AK8: variants seen among roughly 807,000 people sequenced by gnomAD.
AK8 encodes the protein adenylate kinase 8.
Under a neutral mutation model 54.6 loss-of-function variants are expected in AK8, and 44 were observed. The observed-to-expected ratio is 0.81, with a 90% confidence interval of 0.63 to 1.04. The LOEUF (loss-of-function observed/expected upper bound fraction) is 1.04. Ranked by LOEUF, AK8 falls within the 50% of genes least tolerant of loss-of-function variation. The pLI is 0.00. For synonymous variants in AK8, 239 were observed against 245.6 expected (o/e 0.97, Z 0.25); for missense variants, 555 against 613.6 (o/e 0.90, Z 1.01).
chr9:132,745,894 G>A (rs892148683), intron 11 of AK8, among the ~76,000 whole-genome samples: 1 of 152,186 alleles, frequency 6.6e-6, no homozygotes, highest in Non-Finnish European at 1.5e-5. Context: ...CTTGAAGTAT[G>A]TTTGGAAGGA....
At chr9:132,751,288 G>A (rs1251273676) in intron 11 of AK8, among the ~76,000 whole-genome samples, 2 of 150,510 alleles carry the variant, frequency 1.3e-5, no homozygotes, top group African/African-American at 4.9e-5. Flanking sequence ...GGAGGCTGAG[G>A]CAGGAGAATC....
At chr9:132,845,994 C>A (rs1361504757) in intron 5 of AK8, among the ~76,000 whole-genome samples, 1 of 152,110 alleles carries the variant, frequency 6.6e-6, no homozygotes, top group Non-Finnish European at 1.5e-5. Flanking sequence ...GAAAGAAGGG[C>A]AGTGCGGCTT....
chr9:132,752,409 C>T (rs904990997), intron 11 of AK8, among the ~76,000 whole-genome samples: 1 of 151,892 alleles, frequency 6.6e-6, no homozygotes, highest in African/African-American at 2.4e-5. Context: ...GCCACCACGC[C>T]TGGCTAATTT....
intron 8 of AK8, among the ~76,000 whole-genome samples, chr9:132,823,738 C>T (rs1016554505): frequency 3.3e-5 from 5 of 152,222 alleles, no homozygotes; most frequent in African/African-American, 9.6e-5. Flanking sequence ...GCCTCCCAAC[C>T]GGAAGCCCCG....
intron 11 of AK8, among the ~76,000 whole-genome samples, chr9:132,747,785 A>G (rs1837725671): frequency 6.7e-6 from 1 of 148,572 alleles, no homozygotes; most frequent in Non-Finnish European, 1.5e-5. Flanking sequence ...TTTTACAATG[A>G]GACTGTACTA....
chr9:132,814,569 G>T, intron 10 of AK8, 69 bp downstream of exon 10: 1 of 1,463,928 alleles, frequency 6.8e-7, no homozygotes, highest in South Asian at 1.2e-5. Context: ...AATGTTCAGA[G>T]AGCCGCACAA....
chr9:132,741,734 A>G (rs1837402419), intron 11 of AK8, among the ~76,000 whole-genome samples: 1 of 152,190 alleles, frequency 6.6e-6, no homozygotes, highest in Non-Finnish European at 1.5e-5. Context: ...TTGTGCCATC[A>G]TCAACACAAT....
chr9:132,857,309 C>T (rs952810378), intron 4 of AK8, among the ~76,000 whole-genome samples: 2 of 152,196 alleles, frequency 1.3e-5, no homozygotes, highest in South Asian at 2.1e-4. Flanking sequence ...TCAAGGGACG[C>T]GGACGCTGCT....
rs113456048 is a variant in AK8, at chr9:132,811,803, A to G, written c.979+2835T>C. On this transcript the variant is annotated intron_variant, in intron 10 of 12. Coordinates refer to ENST00000298545, the MANE Select transcript of AK8 (RefSeq NM_152572.3). ...AAGATCACCAGGGATGTTTCTCCAT[A>G]CAAGAGTGTGCATTTTAGTATTATT... Among the ~76,000 whole-genome samples, 736 of 152,348 alleles carry G rather than the reference A, an allele frequency of 4.8e-3. 3 individuals are homozygous for G. The highest frequency in any genetic ancestry group is 0.017 in the African/African-American group (692 of 41,578).
At chr9:132,844,619 A>G (rs983797502) in intron 5 of AK8, among the ~76,000 whole-genome samples, 3 of 152,210 alleles carry the variant, frequency 2.0e-5, no homozygotes, top group African/African-American at 7.2e-5. Context: ...TCCAGCGGGA[A>G]GAGATGAAAA....
At chr9:132,848,596 G>A (rs1842848006) in intron 5 of AK8, among the ~76,000 whole-genome samples, 1 of 152,088 alleles carries the variant, frequency 6.6e-6, no homozygotes, top group Admixed American at 6.5e-5. Context: ...TGACTCTCCC[G>A]CCCTGGTTTT....
intron 11 of AK8, among the ~76,000 whole-genome samples, chr9:132,746,931 C>A (rs557650195): frequency 6.6e-6 from 1 of 152,306 alleles, no homozygotes; most frequent in African/African-American, 2.4e-5. Flanking sequence ...TTAATGCATT[C>A]TGGTTTAAAA....
intron 11 of AK8, among the ~76,000 whole-genome samples, chr9:132,758,648 G>A (rs1031786048): frequency 1.1e-4 from 16 of 151,218 alleles, no homozygotes; most frequent in African/African-American, 3.9e-4. Context: ...TAGTAGAGAT[G>A]GTTTTTCGCC....
chr9:132,863,695 G>T lies in AK8; in HGVS notation c.303C>A (p.Thr101=), dbSNP rs375834165. Residue 101 remains threonine (T), a synonymous_variant, in exon 4 of 13, where the codon ACC becomes ACA. Coordinates refer to ENST00000298545, the MANE Select transcript of AK8 (RefSeq NM_152572.3). Reference sequence around the variant, plus strand: ...TTTGCAGATAAAGCCTTCTGGCTTCGGTGGCCGTATAGGAAAACTCATTTA... The same window carrying T: ...TTTGCAGATAAAGCCTTCTGGCTTCTGTGGCCGTATAGGAAAACTCATTTA... ...LILNEFSYTA[T]EARRLYLQRK... 4.3e-6 allele frequency: 7 copies of T among 1,613,872 alleles called. No individual in the cohort carries two copies. Among genetic ancestry groups the T allele is most frequent in the Non-Finnish European group, 5.1e-6 (6 of 1,179,938 alleles).
At chr9:132,845,057 CCA>C (rs1325050741) in intron 5 of AK8, among the ~76,000 whole-genome samples, 1 of 152,204 alleles carries the variant, frequency 6.6e-6, no homozygotes, top group East Asian at 1.9e-4. Flanking sequence ...TGTAAGGACT[CCA>C]CAGCACACGG....
At chr9:132,863,910 C>T in intron 3 of AK8, 132 bp from the exon 4 acceptor site, 1 of 710,262 alleles carries the variant, frequency 1.4e-6, no homozygotes, top group East Asian at 2.7e-5. Flanking sequence ...TTATTTCCAG[C>T]TGGAGGACGG....
At chr9:132,878,759 C>T, upstream of AK8, 4 of 986,000 alleles carry the variant, frequency 4.1e-6, no homozygotes, top group African/African-American at 1.7e-5. This position sits in a 1 kb window ranked among gnomAD's most constrained non-coding sequence, Gnocchi z 4.7. Flanking sequence ...CTCAGCCCAA[C>T]TCCTAGAGTC....
rs1840322561 is a variant in AK8 at position 132,799,143 on chromosome 9, C to G, written c.980-6368G>C. 6.6e-6 allele frequency among the ~76,000 whole-genome samples: 1 copy of G among 152,152 alleles called. No individual in the cohort carries two copies. The highest frequency in any genetic ancestry group is 1.5e-5 in the Non-Finnish European group (1 of 68,030). On this transcript the variant is annotated intron_variant, in intron 10 of 12. Coordinates refer to ENST00000298545, the MANE Select transcript of AK8 (RefSeq NM_152572.3). The surrounding 1 kb of genome is among the most constrained non-coding windows in gnomAD (Gnocchi z 5.0). ...CCAGCTTGCGGTTTTCCAGCAGGCA[C>G]CAGAGGCCCCTCCTGCTGCGCCACG...
intron 9 of AK8, among the ~76,000 whole-genome samples, chr9:132,820,144 G>GAAAAAAA (rs35984099): frequency 6.9e-5 from 5 of 72,710 alleles, no homozygotes; most frequent in Non-Finnish European, 7.7e-5. Context: ...AGTAAGACCC[G>GAAAAAAA]AAAAAAAAAA....
Sources: gnomAD v4.1 joint callset for allele counts (sites outside exome capture counted in the v4.1 genomes callset) on GRCh38, gnomAD v4.1.1 for gene constraint, Gnocchi (gnomAD v3.1) non-coding constraint, MANE v1.5 for transcripts, NCBI Gene and HGNC (gene_info 2026-07-23, HGNC 2026-07-21) for gene names.